Variants in LDLRAD3 observed in about 807,000 individuals in gnomAD.
The protein encoded by LDLRAD3 is low density lipoprotein receptor class A domain containing 3.
In LDLRAD3, 20 loss-of-function variants were observed where a neutral mutation model predicts 29.4. That is an observed-to-expected ratio of 0.68 (90% CI 0.48 to 0.99). LDLRAD3 has a LOEUF of 0.99. Ranked by LOEUF, LDLRAD3 falls within the 50% of genes least tolerant of loss-of-function variation. The pLI, the probability that LDLRAD3 is intolerant of heterozygous loss-of-function variation, is 0.00. For synonymous variants in LDLRAD3, 157 were observed against 192.7 expected (o/e 0.81, Z 1.53); for missense variants, 420 against 454.3 (o/e 0.92, Z 0.69).
Position 36,229,489 on chromosome 11 carries a change from T to C in LDLRAD3, c.*92T>C, listed in dbSNP as rs1197667998. The C allele has an allele frequency of 2.3e-6, 2 of 871,578 alleles. No individual in the cohort carries two copies. The highest frequency in any genetic ancestry group is 4.9e-5 in the East Asian group (2 of 41,032). 54.0% of individuals were successfully genotyped at this position (871,578 alleles called of 1,614,324 possible). Reference sequence around the variant, plus strand: ...GCTCATGGGAAGCTCTTTAAGCACCTGTAAGGGTGTCTCAAGTTACAGTTT... The same window carrying C: ...GCTCATGGGAAGCTCTTTAAGCACCCGTAAGGGTGTCTCAAGTTACAGTTT... On this transcript the variant is annotated 3_prime_UTR_variant, in exon 6 of 6. Transcript: ENST00000315571.
chr11:36,079,594 G>A (rs899669251), intron 2 of LDLRAD3, among the ~76,000 whole-genome samples: 35 of 152,190 alleles, frequency 2.3e-4, no homozygotes, highest in African/African-American at 8.2e-4. Context: ...GACAGTCATA[G>A]GTAAAGAAAG....
chr11:36,224,735 A>G (rs1855476831), intron 4 of LDLRAD3, among the ~76,000 whole-genome samples: 1 of 152,178 alleles, frequency 6.6e-6, no homozygotes, highest in African/African-American at 2.4e-5. Flanking sequence ...TTGAAGGGGA[A>G]GGTCCTCATT....
intron 1 of LDLRAD3, among the ~76,000 whole-genome samples, chr11:35,983,975 A>G (rs1173529520): frequency 1.3e-5 from 2 of 152,214 alleles, no homozygotes; most frequent in Admixed American, 6.5e-5. Flanking sequence ...AGCCAATGAC[A>G]AATGTCCTTA....
intron 4 of LDLRAD3, among the ~76,000 whole-genome samples, chr11:36,195,983 C>T (rs1424224739): frequency 6.6e-6 from 1 of 150,938 alleles, no homozygotes; most frequent in African/African-American, 2.4e-5. Context: ...TACTAAGCCA[C>T]AGTCAGCCCA....
intron 1 of LDLRAD3, among the ~76,000 whole-genome samples, chr11:36,033,949 G>C (rs1013933035): frequency 1.3e-5 from 2 of 152,164 alleles, no homozygotes; most frequent in Non-Finnish European, 2.9e-5. Context: ...AGGAGAAATA[G>C]TAGCATAATA....
intron 2 of LDLRAD3, among the ~76,000 whole-genome samples, chr11:36,046,572 A>G (rs1852452788): frequency 6.6e-6 from 1 of 152,122 alleles, no homozygotes; most frequent in Non-Finnish European, 1.5e-5. Context: ...CTAATCTTGT[A>G]TGACTTTATC....
At chr11:36,147,950 A>C (rs1222516396) in intron 4 of LDLRAD3, among the ~76,000 whole-genome samples, 1 of 152,066 alleles carries the variant, frequency 6.6e-6, no homozygotes, top group African/African-American at 2.4e-5. Flanking sequence ...GGCTCACTGC[A>C]ACCTCCACCT....
At chr11:36,047,963 G>A (rs573964531) in intron 2 of LDLRAD3, among the ~76,000 whole-genome samples, 1 of 152,330 alleles carries the variant, frequency 6.6e-6, no homozygotes, top group Non-Finnish European at 1.5e-5. Context: ...GGGAGCAGAT[G>A]TGAAAAGGGG....
chr11:36,041,636 C>T (rs1027406399), intron 2 of LDLRAD3, among the ~76,000 whole-genome samples: 5 of 152,212 alleles, frequency 3.3e-5, no homozygotes, highest in Non-Finnish European at 7.3e-5. Flanking sequence ...AATAAAGCAG[C>T]AGTCCAAATT....
intron 3 of LDLRAD3, among the ~76,000 whole-genome samples, chr11:36,091,289 A>T (rs1853276632): frequency 6.6e-6 from 1 of 152,192 alleles, no homozygotes; most frequent in South Asian, 2.1e-4. Context: ...AGAGGAGCCG[A>T]CTTCACAGAC....
intron 4 of LDLRAD3, among the ~76,000 whole-genome samples, chr11:36,191,723 T>C (rs1246249623): frequency 6.6e-6 from 1 of 151,800 alleles, no homozygotes; most frequent in Non-Finnish European, 1.5e-5. Context: ...TGTGTTTGAA[T>C]TATTGAGAAA....
Position 36,144,992 on chromosome 11 carries a change from C to G in LDLRAD3, c.454+46531C>G, listed in dbSNP as rs1377803616. 3.4e-5 allele frequency among the ~76,000 whole-genome samples: 4 copies of G among 115,980 alleles called. 2 individuals are homozygous for G. The highest frequency in any genetic ancestry group is 1.3e-4 in the African/African-American group (4 of 31,472). The allele number at this position is 115,980 out of a possible 152,430, so 76.1% of individuals were successfully genotyped here. A position where few individuals can be genotyped will look rare whatever the true frequency, so the allele number is the denominator to read the frequency against. On this transcript the variant is annotated intron_variant, in intron 4 of 5. Transcript: ENST00000315571. The stretch of plus-strand genomic sequence containing the variant: ...CCCGGAAGGAGGTGGGGGGGTCAGC[C>G]CCCCGCCCTGCCAGCCGCCCCGTCC...
intron 1 of LDLRAD3, among the ~76,000 whole-genome samples, chr11:35,958,492 C>G (rs1256575351): frequency 1.3e-5 from 2 of 152,170 alleles, no homozygotes; most frequent in Non-Finnish European, 2.9e-5. Flanking sequence ...AGTCCCCACT[C>G]ACTAAAAGCT....
chr11:36,084,639 G>T (rs995406456), intron 3 of LDLRAD3, among the ~76,000 whole-genome samples: 1 of 152,138 alleles, frequency 6.6e-6, no homozygotes, highest in African/African-American at 2.4e-5. Flanking sequence ...AAGAATACCA[G>T]CTAATAGAAG....
chr11:36,183,803 CG>C (rs1854802575), intron 4 of LDLRAD3, among the ~76,000 whole-genome samples: 1 of 152,106 alleles, frequency 6.6e-6, no homozygotes, highest in South Asian at 2.1e-4. Flanking sequence ...CTTTCTGCTG[CG>C]TTCTGAATAA....
intron 1 of LDLRAD3, among the ~76,000 whole-genome samples, chr11:35,963,745 C>G (rs1267435631): frequency 2.0e-5 from 3 of 152,178 alleles, no homozygotes; most frequent in African/African-American, 7.2e-5. Context: ...TTTAAATGAC[C>G]TGTTTGGTAT....
At chr11:36,147,412 C>T (rs973615718) in intron 4 of LDLRAD3, among the ~76,000 whole-genome samples, 11 of 152,124 alleles carry the variant, frequency 7.2e-5, no homozygotes, top group African/African-American at 2.7e-4. Context: ...GCCACCACAC[C>T]CGGCCCCTCT....
chr11:35,972,331 A>C (rs909844810), intron 1 of LDLRAD3: 7 of 152,220 alleles, frequency 4.6e-5, no homozygotes, highest in Admixed American at 1.3e-4. Flanking sequence ...AGTTATCAGC[A>C]TGGAGATGTT....
At chr11:36,125,313 C>G (rs762242003) in intron 4 of LDLRAD3, among the ~76,000 whole-genome samples, 10 of 152,192 alleles carry the variant, frequency 6.6e-5, no homozygotes, top group East Asian at 1.9e-4. Context: ...AGCTCTGCCA[C>G]TTATTGTCGA....
Sources: allele counts gnomAD v4.1 joint callset (sites outside exome capture counted in the v4.1 genomes callset), GRCh38; gene constraint gnomAD v4.1.1; transcripts MANE v1.5; gene names NCBI Gene and HGNC (gene_info 2026-07-23, HGNC 2026-07-21).